ATP1A3: variants seen among roughly 807,000 people sequenced by gnomAD.
ATP1A3 encodes ATPase Na+/K+ transporting subunit alpha 3.
ATP1A3 carries 12 observed loss-of-function variants against 108.8 expected under a neutral mutation model. The ratio of observed to expected loss-of-function variants is 0.11; its 90% CI spans 0.07 to 0.18. The LOEUF is 0.18. Ranked by LOEUF, ATP1A3 falls within the 10% of genes least tolerant of loss-of-function variation. ATP1A3 has a pLI of 1.00. For missense variants in ATP1A3, 498 were observed against 1,387.7 expected (o/e 0.36, Z 10.19); for synonymous variants, 539 against 564.5 (o/e 0.95, Z 0.64).
rs2075045997 is a variant in ATP1A3 at position 41,966,766 on chromosome 19, GA to G, written c.*170del. 6.6e-7 allele frequency: 1 copy of G among 1,514,956 alleles called. No individual in the cohort carries two copies. 93.8% of individuals were successfully genotyped at this position (1,514,956 alleles called of 1,614,324 possible). A position where few individuals can be genotyped will look rare whatever the true frequency, so the allele number is the denominator to read the frequency against. On this transcript the variant is annotated 3_prime_UTR_variant, in exon 23 of 23. Transcript: ENST00000648268. The stretch of plus-strand genomic sequence containing the variant: ...GAGGAGAGAGGTTTGGGGCAGGGGA[GA>G]GAAGCCAGCCAGAGTGGGGGCGGCA...
intron 14 of ATP1A3, 69 bp downstream of exon 14, chr19:41,977,867 G>A: frequency 6.3e-7 from 1 of 1,584,074 alleles, no homozygotes. Context: ...GGAGGTTGGG[G>A]GGAAGCGGTC....
At chr19:41,979,776 G>T (rs782627738) in intron 11 of ATP1A3, among the ~76,000 whole-genome samples, 1 of 152,210 alleles carries the variant, frequency 6.6e-6, no homozygotes, top group Admixed American at 6.5e-5. Flanking sequence ...TTGACTATGT[G>T]GATGGCTGCC....
rs2075196118 is a variant in ATP1A3 at position 41,978,469 on chromosome 19, T to C, written c.1630+137A>G. On this transcript the variant is annotated intron_variant, in intron 12 of 22. Coordinates refer to ENST00000648268, the MANE Select transcript of ATP1A3 (RefSeq NM_152296.5). This position sits in a 1 kb window ranked among gnomAD's most constrained non-coding sequence, Gnocchi z 8.3. ...ATTCATTTCCTAGGATACCTTCCCC[T>C]CTCATCCATCCATTCATTCATTCAT... The C allele has an allele frequency of 6.8e-7, 1 of 1,480,118 alleles. No individual in the cohort carries two copies. The highest frequency in any genetic ancestry group is 9.2e-7 in the Non-Finnish European group (1 of 1,082,314). The allele number at this position is 1,480,118 out of a possible 1,614,324, so 91.7% of individuals were successfully genotyped here.
chr19:41,994,002 C>T (rs2075364413), intron 1 of ATP1A3, 69 bp downstream of exon 1: 7 of 1,598,662 alleles, frequency 4.4e-6, no homozygotes, highest in Middle Eastern at 1.7e-4. Flanking sequence ...CCCCGCCCCC[C>T]GCGCACACCC....
chr19:41,966,773 C>T lies in ATP1A3; in HGVS notation c.*164G>A. ...GAGGTTTGGGGCAGGGGAGAGAAGC[C>T]AGCCAGAGTGGGGGCGGCAGGAGAT... On this transcript the variant is annotated 3_prime_UTR_variant, in exon 23 of 23. Coordinates refer to ENST00000648268, the MANE Select transcript of ATP1A3 (RefSeq NM_152296.5). 1.3e-6 allele frequency: 2 copies of T among 1,504,370 alleles called. No homozygotes were observed. Among genetic ancestry groups the T allele is most frequent in the South Asian group, 1.2e-5 (1 of 81,712 alleles). 93.2% of individuals were successfully genotyped at this position (1,504,370 alleles called of 1,614,324 possible).
intron 4 of ATP1A3, chr19:41,986,706 C>A: frequency 5.7e-6 from 1 of 176,134 alleles, no homozygotes; most frequent in Non-Finnish European, 1.2e-5. Context: ...TCCCAAAGTG[C>A]TGGGATTACA....
At position 41,975,768 on chromosome 19, in the gene ATP1A3, A is replaced by G. The variant is rs782662748; in HGVS notation, c.2124T>C (p.Gly708=). ...TCTTCAGAGCGGGGGAGTCGTTCAC[A>G]CCATCCCCGGTCACAGCCACAATTG... The part of the protein sequence containing the change: ...QGAIVAVTGD[G]VNDSPALKKA... Residue 708 remains glycine (G), a synonymous_variant, in exon 16 of 23, where the codon GGT becomes GGC. Coordinates refer to ENST00000648268, the MANE Select transcript of ATP1A3 (RefSeq NM_152296.5). 4 of 1,613,986 alleles carry G rather than the reference A, an allele frequency of 2.5e-6. No individual in the cohort carries two copies. The highest frequency in any genetic ancestry group is 3.4e-6 in the Non-Finnish European group (4 of 1,179,960).
Position 41,981,703 on chromosome 19 carries a change from G to T in ATP1A3, c.1302+19C>A. 1 of 1,614,192 alleles carries T rather than the reference G, an allele frequency of 6.2e-7. No individual in the cohort carries two copies. Among genetic ancestry groups the T allele is most frequent in the Non-Finnish European group, 8.5e-7 (1 of 1,180,028 alleles). On this transcript the variant is annotated intron_variant, in intron 10 of 22. Transcript: ENST00000648268. This position sits in a 1 kb window ranked among gnomAD's most constrained non-coding sequence, Gnocchi z 5.0. Reference sequence around the variant, plus strand: ...GAGGACACAGGCAGGGCCGAGGTGAGGCCAGTAGCTGAACCCACCTTGAGC... The same window carrying T: ...GAGGACACAGGCAGGGCCGAGGTGATGCCAGTAGCTGAACCCACCTTGAGC...
intron 15 of ATP1A3, among the ~76,000 whole-genome samples, chr19:41,976,119 C>G (rs1171848172): frequency 5.4e-5 from 8 of 149,510 alleles, no homozygotes; most frequent in Non-Finnish European, 1.2e-4. Context: ...CCTCCTCCCT[C>G]AGACCCAAGG....
Position 41,968,849 on chromosome 19 carries a change from C to T in ATP1A3, c.2755G>A (p.Val919Ile), listed in dbSNP as rs1568853008. The T allele has an allele frequency of 5.0e-6, 8 of 1,614,030 alleles. No individual in the cohort carries two copies. Among genetic ancestry groups the T allele is most frequent in the East Asian group, 2.2e-5 (1 of 44,884 alleles). The part of the protein sequence containing the change: ...HTAFFVSIVV[V>I]QWADLIICKT... The stretch of plus-strand genomic sequence containing the variant: ...CAGATGATCAGATCGGCCCACTGGA[C>T]GACAACGATGCTCACAAAGAAGGCC... The change falls in exon 20 of 23, where the codon GTC becomes ATC. Residue 919 changes from valine (V) to isoleucine (I), a missense_variant. Val to Ile is a conservative substitution (Grantham distance 29, BLOSUM62 3). Around this residue, in one of 9 missense-constraint regions of ATP1A3, gnomAD observed 121 missense variants for 425.1 expected, o/e 0.28. Transcript: ENST00000648268. The surrounding 1 kb of genome is among the most constrained non-coding windows in gnomAD (Gnocchi z 5.0).
In ATP1A3 at chr19:41,968,771, C is replaced by G; in HGVS notation, c.2819+14G>C. ...CAGATGGCTGTCCAGTCACCATGTGCCCCCGGCCCTCACTTCATGCCCTGC... is the reference window on the plus strand; with the variant it reads ...CAGATGGCTGTCCAGTCACCATGTGGCCCCGGCCCTCACTTCATGCCCTGC... On this transcript the variant is annotated intron_variant, in intron 20 of 22. Transcript: ENST00000648268. This position sits in a 1 kb window ranked among gnomAD's most constrained non-coding sequence, Gnocchi z 5.0. 1 of 1,612,886 alleles carries G rather than the reference C, an allele frequency of 6.2e-7. No homozygotes were observed. The highest frequency in any genetic ancestry group is 1.1e-5 in the South Asian group (1 of 91,064).
Position 41,993,295 on chromosome 19 carries a change from G to C in ATP1A3, c.6+776C>G, listed in dbSNP as rs1277073163. On this transcript the variant is annotated intron_variant, in intron 1 of 22. Transcript: ENST00000648268. ...CTGGAGAGACTCACAGACAGACAAG[G>C]ACACACGGACACAGAGGCAAGGACA... The C allele has an allele frequency of 4.1e-6, 5 of 1,231,962 alleles. No homozygotes were observed. In the East Asian group the frequency reaches 1.3e-4, roughly 31 times the overall value. The allele number at this position is 1,231,962 out of a possible 1,614,324, so 76.3% of individuals were successfully genotyped here.
chr19:41,993,993 C>T (rs1368051658), intron 1 of ATP1A3, 78 bp downstream of exon 1: 2 of 1,590,010 alleles, frequency 1.3e-6, no homozygotes, highest in Non-Finnish European at 1.7e-6. Context: ...TCCCGGTGCC[C>T]CCGCCCCCCG....
chr19:41,993,952 G>A (rs1018340045), intron 1 of ATP1A3, 119 bp downstream of exon 1: 1 of 1,537,096 alleles, frequency 6.5e-7, no homozygotes, highest in Admixed American at 2.0e-5. Context: ...GGCTCCCCGG[G>A]TCTCGCAGGC....
At chr19:41,969,909 C>T (rs1179661911) in intron 18 of ATP1A3, among the ~76,000 whole-genome samples, 1 of 152,210 alleles carries the variant, frequency 6.6e-6, no homozygotes, top group Non-Finnish European at 1.5e-5. Context: ...GAATGACCTC[C>T]CTGGGCCTGG....
intron 1 of ATP1A3, among the ~76,000 whole-genome samples, chr19:41,991,660 T>C (rs901326633): frequency 2.6e-5 from 4 of 152,068 alleles, no homozygotes; most frequent in Non-Finnish European, 5.9e-5. Flanking sequence ...AGTTGAAGGC[T>C]GGGAGCTGAT....
chr19:41,984,906 G>T lies in ATP1A3; in HGVS notation c.993+12C>A, dbSNP rs568372429. The T allele has an allele frequency of 6.2e-7, 1 of 1,609,842 alleles. No homozygotes were observed. The highest frequency in any genetic ancestry group is 1.1e-5 in the South Asian group (1 of 90,368). On this transcript the variant is annotated intron_variant, in intron 8 of 22. Coordinates refer to ENST00000648268, the MANE Select transcript of ATP1A3 (RefSeq NM_152296.5). ...AGGCCCTCCCCACCCAGACCCAGGAGCCTGGCCTTACAGTGACAGTGGCCA... is the reference window on the plus strand; with the variant it reads ...AGGCCCTCCCCACCCAGACCCAGGATCCTGGCCTTACAGTGACAGTGGCCA...
intron 4 of ATP1A3, among the ~76,000 whole-genome samples, chr19:41,987,204 C>T (rs974176529): frequency 5.9e-5 from 9 of 151,732 alleles, no homozygotes. Flanking sequence ...TCTGTGTCTC[C>T]AGCTCTGCCT....
rs1568852400 is a variant in ATP1A3, at chr19:41,967,836, G to A, written c.2820-73C>T. ...CACCTGCCACCCCGCAGAGACAGGG[G>A]GAGGCACAGTGCAGACACCCAGAGA... On this transcript the variant is annotated intron_variant, in intron 20 of 22. Transcript: ENST00000648268. This position sits in a 1 kb window ranked among gnomAD's most constrained non-coding sequence, Gnocchi z 4.2. 1.5e-6 allele frequency: 2 copies of A among 1,363,976 alleles called. No homozygotes were observed. The highest frequency in any genetic ancestry group is 2.1e-6 in the Non-Finnish European group (2 of 965,538). 84.5% of individuals were successfully genotyped at this position (1,363,976 alleles called of 1,614,324 possible).
Sources: gnomAD v4.1 joint callset for allele counts (sites outside exome capture counted in the v4.1 genomes callset) on GRCh38, gnomAD v4.1.1 for gene constraint, gnomAD v4.1.1 regional missense constraint, Gnocchi (gnomAD v3.1) non-coding constraint, MANE v1.5 for transcripts, NCBI Gene and HGNC (gene_info 2026-07-23, HGNC 2026-07-21) for gene names.